Variants in HACE1 observed in about 807,000 individuals in gnomAD.
HACE1 encodes the protein HECT domain and ankyrin repeat containing E3 ubiquitin protein ligase 1.
HACE1 carries 73 observed loss-of-function variants against 118.4 expected under a neutral mutation model. That is an observed-to-expected ratio of 0.62 (90% CI 0.51 to 0.75). HACE1 has a LOEUF of 0.75. Ranked by LOEUF, HACE1 falls within the 30% of genes least tolerant of loss-of-function variation. HACE1 has a pLI of 0.00. For synonymous variants in HACE1, 368 were observed against 374.8 expected, an observed-to-expected ratio of 0.98 and a Z score of 0.21; for missense variants, 749 against 1,102.2, an observed-to-expected ratio of 0.68 and a Z score of 4.54.
chr6:104,795,499 T>A, intron 10 of HACE1, 80 bp downstream of exon 10: 1 of 854,338 alleles, frequency 1.2e-6, no homozygotes, highest in Non-Finnish European at 2.0e-6. Flanking sequence ...ACAAAAGGTA[T>A]CCCACAGAAT....
chr6:104,851,361 C>T lies in HACE1; in HGVS notation c.132-365G>A, dbSNP rs1311622514. 2.0e-5 allele frequency among the ~76,000 whole-genome samples: 3 copies of T among 152,234 alleles called. No homozygotes were observed. The East Asian group carries it at 5.8e-4, about 29-fold the overall frequency. On this transcript the variant is annotated intron_variant, in intron 2 of 23. Coordinates refer to ENST00000262903, the MANE Select transcript of HACE1 (RefSeq NM_020771.4). ...CCTCCCGAAGTGCTGGGATTACAGG[C>T]GTGAGCCACCCCACCCGGCCTAGCT...
chr6:104,792,111 T>A (rs1783084877), intron 10 of HACE1, among the ~76,000 whole-genome samples: 1 of 152,158 alleles, frequency 6.6e-6, no homozygotes. Flanking sequence ...TGCCACTATA[T>A]CCATAATCCC....
chr6:104,811,338 C>G lies in HACE1; in HGVS notation c.590G>C (p.Gly197Ala), dbSNP rs1771601763. The G allele has an allele frequency of 3.3e-6, 5 of 1,528,560 alleles. No individual in the cohort carries two copies. The highest frequency in any genetic ancestry group is 4.5e-6 in the Non-Finnish European group (5 of 1,106,296). 94.7% of individuals were successfully genotyped at this position (1,528,560 alleles called of 1,614,324 possible). ...GADINRPNVS[G>A]ATPLYFACSH... ...GCAAGCAAAGTACAATGGAGTTGCTCCTGATACATTTGGCCTGTTAATATC... is the reference window on the plus strand; with the variant it reads ...GCAAGCAAAGTACAATGGAGTTGCTGCTGATACATTTGGCCTGTTAATATC... Residue 197 changes from glycine to alanine, a missense_variant, in exon 7 of 24, where the codon GGA becomes GCA. Physicochemically the swap from Gly to Ala is moderately conservative, Grantham distance 60 (BLOSUM62 0). Around this residue, in one of 5 missense-constraint regions of HACE1, gnomAD observed 267 missense variants for 312.2 expected, o/e 0.86. Coordinates refer to ENST00000262903, the MANE Select transcript of HACE1 (RefSeq NM_020771.4).
chr6:104,852,278 G>A (rs1043127783), intron 2 of HACE1, 39 bp downstream of exon 2: 1 of 1,348,118 alleles, frequency 7.4e-7, no homozygotes. Context: ...AACAATGTAT[G>A]CTTCTTAAAA....
intron 6 of HACE1, among the ~76,000 whole-genome samples, chr6:104,832,031 G>GA (rs1218677271): frequency 4.9e-5 from 7 of 142,420 alleles, no homozygotes; most frequent in Admixed American, 1.4e-4. Context: ...AGGAAGGAAG[G>GA]AGAAAGAAAA....
At chr6:104,803,940 G>A (rs1187530731) in intron 7 of HACE1, among the ~76,000 whole-genome samples, 2 of 152,252 alleles carry the variant, frequency 1.3e-5, no homozygotes, top group East Asian at 3.9e-4. Flanking sequence ...GTTTGCAGAT[G>A]ACATGATTGT....
At chr6:104,740,315 A>C (rs1293672797) in intron 22 of HACE1, among the ~76,000 whole-genome samples, 1 of 150,010 alleles carries the variant, frequency 6.7e-6, no homozygotes, top group Non-Finnish European at 1.5e-5. Context: ...AATAACTAAA[A>C]TCAGAGCAGA....
At chr6:104,797,565 T>C (rs1769809701) in intron 7 of HACE1, among the ~76,000 whole-genome samples, 1 of 151,818 alleles carries the variant, frequency 6.6e-6, no homozygotes, top group African/African-American at 2.4e-5. Flanking sequence ...AAAGGGAACA[T>C]GAAGTGGGGT....
intron 1 of HACE1, among the ~76,000 whole-genome samples, chr6:104,858,840 C>T (rs942112430): frequency 6.6e-6 from 1 of 152,124 alleles, no homozygotes; most frequent in African/African-American, 2.4e-5. Flanking sequence ...ATTTTCTCTC[C>T]TTGTTATTAG....
chr6:104,798,659 CA>C (rs1238283800), intron 7 of HACE1, among the ~76,000 whole-genome samples: 22 of 152,266 alleles, frequency 1.4e-4, no homozygotes, highest in Middle Eastern at 3.4e-3. Flanking sequence ...TCATTAAGCT[CA>C]AAGTGTTGGT....
At chr6:104,760,443 A>G (rs1779218454) in intron 19 of HACE1, among the ~76,000 whole-genome samples, 1 of 152,188 alleles carries the variant, frequency 6.6e-6, no homozygotes, top group Admixed American at 6.5e-5. Context: ...CAACAGCAAA[A>G]ACCACAATTA....
At chr6:104,761,361 T>C (rs1307810291) in intron 19 of HACE1, among the ~76,000 whole-genome samples, 3 of 152,044 alleles carry the variant, frequency 2.0e-5, no homozygotes, top group East Asian at 3.9e-4. Flanking sequence ...TATAGAACAA[T>C]GGAACAGAAC....
chr6:104,815,965 C>T (rs1032989065), intron 6 of HACE1, among the ~76,000 whole-genome samples: 2 of 151,330 alleles, frequency 1.3e-5, no homozygotes, highest in African/African-American at 4.9e-5. Context: ...TCCAGCTACT[C>T]GGGGGGCTGA....
At chr6:104,822,650 A>G (rs1013144242) in intron 6 of HACE1, among the ~76,000 whole-genome samples, 5 of 152,084 alleles carry the variant, frequency 3.3e-5, no homozygotes, top group Non-Finnish European at 5.9e-5. Context: ...AGAGGTCGGG[A>G]GTTCAAGACC....
At chr6:104,750,510 A>T in intron 19 of HACE1, 38 bp from the exon 20 acceptor site, 1 of 1,581,666 alleles carries the variant, frequency 6.3e-7, no homozygotes. Flanking sequence ...CTTTTCAAAA[A>T]CCTTTTACAT....
chr6:104,835,399 C>T (rs1215014112), intron 5 of HACE1, among the ~76,000 whole-genome samples: 1 of 152,036 alleles, frequency 6.6e-6, no homozygotes, highest in Non-Finnish European at 1.5e-5. Context: ...ATACTGATTG[C>T]ATCCCTGAAA....
intron 7 of HACE1, among the ~76,000 whole-genome samples, chr6:104,810,457 A>AT (rs1771476983): frequency 6.6e-6 from 1 of 152,112 alleles, no homozygotes; most frequent in South Asian, 2.1e-4. Flanking sequence ...GGAGAGCTCT[A>AT]TATCGGAATA....
intron 5 of HACE1, among the ~76,000 whole-genome samples, chr6:104,840,578 G>A (rs763420822): frequency 2.6e-5 from 4 of 151,492 alleles, no homozygotes; most frequent in Admixed American, 2.0e-4. Context: ...CCTGTAATCC[G>A]AGCACTTTGG....
At chr6:104,771,010 T>A (rs1780541793) in intron 19 of HACE1, among the ~76,000 whole-genome samples, 183 bp downstream of exon 19, 1 of 152,226 alleles carries the variant, frequency 6.6e-6, no homozygotes, top group African/African-American at 2.4e-5. Context: ...AGCACAATTA[T>A]CAAAATAATC....
Sources: gnomAD v4.1 joint callset for allele counts (sites outside exome capture counted in the v4.1 genomes callset) on GRCh38, gnomAD v4.1.1 for gene constraint, gnomAD v4.1.1 regional missense constraint, MANE v1.5 for transcripts, NCBI Gene and HGNC (gene_info 2026-07-23, HGNC 2026-07-21) for gene names.